Variants in HAO1 observed in about 807,000 individuals in gnomAD.
The protein encoded by HAO1 is hydroxyacid oxidase 1, also known as 2-Hydroxyacid oxidase 1.
A neutral mutation model predicts 39.7 loss-of-function variants in HAO1; 34 were observed. That is an observed-to-expected ratio of 0.86 (90% CI 0.65 to 1.14). The LOEUF (loss-of-function observed/expected upper bound fraction) is 1.14, where lower values mean the gene tolerates loss of function less well. HAO1 is among the 50% of genes most tolerant of loss of function. The pLI is 0.00. For missense variants in HAO1, 479 were observed against 464.5 expected, an observed-to-expected ratio of 1.03 and a Z score of -0.29; for synonymous variants, 172 against 173.2, an observed-to-expected ratio of 0.99 and a Z score of 0.05.
chr20:7,887,082 G>T (rs894623085), intron 5 of HAO1, among the ~76,000 whole-genome samples: 1 of 152,158 alleles, frequency 6.6e-6, no homozygotes, highest in Non-Finnish European at 1.5e-5. Flanking sequence ...TTATTTCAAT[G>T]ATTTAAATCA....
intron 3 of HAO1, among the ~76,000 whole-genome samples, chr20:7,909,389 A>G (rs958411667): frequency 1.1e-4 from 16 of 140,988 alleles, no homozygotes; most frequent in African/African-American, 4.0e-4. Flanking sequence ...GTATATATAT[A>G]TATATATATA....
intron 7 of HAO1, 83 bp from the exon 8 acceptor site, chr20:7,883,746 T>C: frequency 8.6e-7 from 1 of 1,160,394 alleles, no homozygotes; most frequent in Non-Finnish European, 1.3e-6. Context: ...GAATGTAAAA[T>C]TTGACAAATG....
intron 5 of HAO1, among the ~76,000 whole-genome samples, chr20:7,889,872 C>G (rs1175563096): frequency 1.3e-5 from 2 of 152,102 alleles, no homozygotes; most frequent in African/African-American, 4.8e-5. Context: ...GCCCTTATCC[C>G]CTGAGAAAGG....
intron 2 of HAO1, among the ~76,000 whole-genome samples, chr20:7,921,561 TGA>T (rs1332813106): frequency 6.6e-6 from 1 of 152,128 alleles, no homozygotes; most frequent in East Asian, 1.9e-4. Context: ...CTCAAAGACC[TGA>T]GAGTTTTTCT....
Position 7,883,479 on chromosome 20 carries a change from C to T in HAO1, c.*114G>A. ...GCTATTTTGTTGGAAAAGAACGACACCCTTTGTATTGAAGTGGGGAATTAC... is the reference window on the plus strand; with the variant it reads ...GCTATTTTGTTGGAAAAGAACGACATCCTTTGTATTGAAGTGGGGAATTAC... On this transcript the variant is annotated 3_prime_UTR_variant, in exon 8 of 8. Coordinates refer to ENST00000378789, the MANE Select transcript of HAO1 (RefSeq NM_017545.3). 1 of 795,282 alleles carries T rather than the reference C, an allele frequency of 1.3e-6. No homozygotes were observed. Among genetic ancestry groups the T allele is most frequent in the Admixed American group, 1.8e-5 (1 of 54,572 alleles). The allele number at this position is 795,282 out of a possible 1,614,324, so 49.3% of individuals were successfully genotyped here.
intron 3 of HAO1, among the ~76,000 whole-genome samples, chr20:7,911,063 G>C (rs2122773590): frequency 6.6e-6 from 1 of 152,318 alleles, no homozygotes; most frequent in Non-Finnish European, 1.5e-5. Context: ...CAGTGCAAAG[G>C]CTCCGGGGTT....
chr20:7,927,667 G>A (rs985837078), intron 2 of HAO1, among the ~76,000 whole-genome samples: 22 of 152,102 alleles, frequency 1.4e-4, no homozygotes, highest in Admixed American at 7.2e-4. Context: ...TGCAAAAAGC[G>A]AATGATTTCC....
chr20:7,931,303 G>A (rs2050384572), intron 2 of HAO1, among the ~76,000 whole-genome samples: 1 of 152,082 alleles, frequency 6.6e-6, no homozygotes. Context: ...GGTCTGCTTT[G>A]CATGCTCCTA....
At chr20:7,886,380 G>A (rs933158543) in intron 5 of HAO1, among the ~76,000 whole-genome samples, 1 of 151,896 alleles carries the variant, frequency 6.6e-6, no homozygotes. Context: ...CATCATGTTG[G>A]CCAGACTGGT....
intron 1 of HAO1, among the ~76,000 whole-genome samples, chr20:7,936,441 T>C (rs1199320934): frequency 6.7e-6 from 1 of 148,560 alleles, no homozygotes; most frequent in Non-Finnish European, 1.5e-5. Flanking sequence ...TAATATTTAC[T>C]TAGAGCTAGA....
intron 4 of HAO1, among the ~76,000 whole-genome samples, chr20:7,902,306 T>A (rs1434972433): frequency 6.6e-6 from 1 of 152,160 alleles, no homozygotes; most frequent in Non-Finnish European, 1.5e-5. Flanking sequence ...TGTCTTATTT[T>A]AAGAAGTTAC....
At chr20:7,888,572 G>C (rs1341152504) in intron 5 of HAO1, among the ~76,000 whole-genome samples, 4 of 152,142 alleles carry the variant, frequency 2.6e-5, no homozygotes, top group African/African-American at 4.8e-5. Context: ...TCCCTTGACT[G>C]TCTACCCACC....
rs1449363230 is a variant in HAO1, at chr20:7,907,208, T to C, written c.546-879A>G. Among the ~76,000 whole-genome samples the C allele has an allele frequency of 5.3e-5, 8 of 152,304 alleles. No homozygotes were observed. In the East Asian group the frequency reaches 1.3e-3, roughly 26 times the overall value. On this transcript the variant is annotated intron_variant, in intron 3 of 7. Coordinates refer to ENST00000378789, the MANE Select transcript of HAO1 (RefSeq NM_017545.3). ...CTCGGTCTGCTGACTCAAACTTCTC[T>C]AATCTTCCAGACAAGTTTGACAACG...
chr20:7,885,367 G>C lies in HAO1; in HGVS notation c.1042+154C>G. On this transcript the variant is annotated intron_variant, in intron 7 of 7. Coordinates refer to ENST00000378789, the MANE Select transcript of HAO1 (RefSeq NM_017545.3). The stretch of plus-strand genomic sequence containing the variant: ...GTAATTACTAGAGACTGCACATGCA[G>C]AGTTCCTCAAAGCTGTAAATATGGA... 6 of 627,882 alleles carry C rather than the reference G, an allele frequency of 9.6e-6. No homozygotes were observed. In the South Asian group the frequency reaches 1.2e-4, roughly 12 times the overall value. The allele number at this position is 627,882 out of a possible 1,614,324, so 38.9% of individuals were successfully genotyped here.
chr20:7,920,181 G>T (rs1365714180), intron 2 of HAO1, among the ~76,000 whole-genome samples: 2 of 152,024 alleles, frequency 1.3e-5, no homozygotes, highest in Non-Finnish European at 2.9e-5. Flanking sequence ...GCTCACACGA[G>T]ATCTGATGGT....
In HAO1 at chr20:7,891,611, T is replaced by C. The variant is rs1399748110; in HGVS notation, c.813+3522A>G. Among the ~76,000 whole-genome samples the C allele has an allele frequency of 2.0e-5, 3 of 152,212 alleles. No homozygotes were observed. The East Asian group carries it at 5.8e-4, about 29-fold the overall frequency. The stretch of plus-strand genomic sequence containing the variant: ...TTTTGGATTCTTGGTCATGAAATCA[T>C]TCCCTAAACCAATGTCTAAAAGGGT... On this transcript the variant is annotated intron_variant, in intron 5 of 7. Transcript: ENST00000378789.
chr20:7,940,110 A>T (rs575321798), intron 1 of HAO1, among the ~76,000 whole-genome samples, 176 bp downstream of exon 1: 1 of 152,160 alleles, frequency 6.6e-6, no homozygotes, highest in East Asian at 1.9e-4. Context: ...GGCTTGGAAT[A>T]TTTTTTAACA....
At chr20:7,916,024 C>T (rs2050305523) in intron 2 of HAO1, among the ~76,000 whole-genome samples, 1 of 152,016 alleles carries the variant, frequency 6.6e-6, no homozygotes, top group Non-Finnish European at 1.5e-5. Context: ...TAGACACATC[C>T]TTTTGAGCAA....
chr20:7,913,566 A>G (rs900425468), intron 3 of HAO1, among the ~76,000 whole-genome samples: 3 of 152,300 alleles, frequency 2.0e-5, no homozygotes, highest in Non-Finnish European at 4.4e-5. Flanking sequence ...CAGCTTGTGG[A>G]CAGGGTGAAT....
Sources: gnomAD v4.1 joint callset for allele counts (sites outside exome capture counted in the v4.1 genomes callset) on GRCh38, gnomAD v4.1.1 for gene constraint, MANE v1.5 for transcripts, NCBI Gene and HGNC (gene_info 2026-07-23, HGNC 2026-07-21) for gene names.